SFXN1: variants seen among roughly 807,000 people sequenced by gnomAD.
SFXN1 encodes the protein sideroflexin 1.
In SFXN1, 32 loss-of-function variants were observed where a neutral mutation model predicts 39.5. The ratio of observed to expected loss-of-function variants is 0.81; its 90% confidence interval spans 0.61 to 1.09. The LOEUF (loss-of-function observed/expected upper bound fraction) is 1.09, where lower values mean the gene tolerates loss of function less well. Among genes scored for constraint, SFXN1 ranks in the 50% least tolerant of loss-of-function variants. The pLI, the probability that SFXN1 is intolerant of heterozygous loss-of-function variation, is 0.00. For missense variants in SFXN1, 402 were observed against 407.1 expected, an observed-to-expected ratio of 0.99 and a Z score of 0.11; for synonymous variants, 136 against 146.5, an observed-to-expected ratio of 0.93 and a Z score of 0.52.
rs555919998 is a variant in SFXN1, at chr5:175,502,359, T to G, written c.165-6673T>G. ...TCTTGGGGGGTGTTATCAATTTTGT[T>G]TCAGAGCCAGACCATGAACTGAATT... On this transcript the variant is annotated intron_variant, in intron 2 of 10. Transcript: ENST00000321442. Among the ~76,000 whole-genome samples the G allele has an allele frequency of 1.1e-4, 17 of 152,258 alleles. No homozygotes were observed. The East Asian group carries it at 2.9e-3, about 26-fold the overall frequency.
intron 10 of SFXN1, chr5:175,523,902 C>T (rs1760953263): frequency 1.3e-5 from 2 of 151,808 alleles, no homozygotes; most frequent in South Asian, 2.1e-4. Context: ...TTCCTTGGCT[C>T]ATAACATAGT....
chr5:175,480,849 G>A (rs1416620274), intron 1 of SFXN1, among the ~76,000 whole-genome samples: 1 of 152,236 alleles, frequency 6.6e-6, no homozygotes, highest in Admixed American at 6.5e-5. Flanking sequence ...GTAGAACCAT[G>A]AGTGTGACCA....
In SFXN1 at chr5:175,499,378, A is replaced by T. The variant is rs140213876; in HGVS notation, c.164+7111A>T. The stretch of plus-strand genomic sequence containing the variant: ...TGATGCAAAACCAGAAAAAGGGATT[A>T]GAGGAAAAATGACTAACACCCCTCA... On this transcript the variant is annotated intron_variant, in intron 2 of 10. Coordinates refer to ENST00000321442, the MANE Select transcript of SFXN1 (RefSeq NM_022754.7). Among the ~76,000 whole-genome samples the T allele has an allele frequency of 5.9e-3, 896 of 152,340 alleles. 10 individuals carry two copies. The highest frequency in any genetic ancestry group is 0.021 in the African/African-American group (862 of 41,578).
chr5:175,520,869 T>C (rs1180531690), intron 8 of SFXN1, among the ~76,000 whole-genome samples: 1 of 152,164 alleles, frequency 6.6e-6, no homozygotes, highest in Non-Finnish European at 1.5e-5. Flanking sequence ...CTTTTCATTC[T>C]ATCTTTTGAG....
intron 10 of SFXN1, 123 bp downstream of exon 10, chr5:175,522,545 G>A: frequency 1.1e-6 from 1 of 948,396 alleles, no homozygotes; most frequent in Admixed American, 2.5e-5. Context: ...ACTGAAGCCA[G>A]GGTCTCTTAA....
intron 2 of SFXN1, among the ~76,000 whole-genome samples, chr5:175,498,598 T>A (rs1759954644): frequency 2.0e-5 from 3 of 152,166 alleles, no homozygotes; most frequent in Admixed American, 2.0e-4. Flanking sequence ...CAGAAAAGGA[T>A]AAGCCTCTGG....
chr5:175,495,728 CAAA>C (rs70988287), intron 2 of SFXN1, among the ~76,000 whole-genome samples: 1 of 139,532 alleles, frequency 7.2e-6, no homozygotes. Flanking sequence ...GACTTCGTCT[CAAA>C]AAAAAAAAAG....
At chr5:175,517,399 C>T (rs1256581295) in intron 8 of SFXN1, among the ~76,000 whole-genome samples, 1 of 152,056 alleles carries the variant, frequency 6.6e-6, no homozygotes, top group Admixed American at 6.5e-5. Context: ...CCACGCCCCA[C>T]ATGGAAGGGC....
chr5:175,496,725 G>A (rs1222305006), intron 2 of SFXN1, among the ~76,000 whole-genome samples: 1 of 152,102 alleles, frequency 6.6e-6, no homozygotes, highest in Non-Finnish European at 1.5e-5. Context: ...TGATGTAATT[G>A]TACTTACGAA....
intron 7 of SFXN1, among the ~76,000 whole-genome samples, chr5:175,514,183 C>T (rs1760639923): frequency 6.6e-6 from 1 of 151,966 alleles, no homozygotes; most frequent in Non-Finnish European, 1.5e-5. Context: ...GAGGCTGCCT[C>T]AGTAATCCAG....
rs1182038323 is a variant in SFXN1, at chr5:175,528,136, C to G, written c.*1402C>G. On this transcript the variant is annotated 3_prime_UTR_variant, in exon 11 of 11. Coordinates refer to ENST00000321442, the MANE Select transcript of SFXN1 (RefSeq NM_022754.7). ...CGGGGTTTCACTGTGGTCTCGATCTCCTGACCTCGTGATCCGCCCGCCTTG... is the reference window on the plus strand; with the variant it reads ...CGGGGTTTCACTGTGGTCTCGATCTGCTGACCTCGTGATCCGCCCGCCTTG... The G allele has an allele frequency of 2.6e-5, 4 of 151,980 alleles. No individual in the cohort carries two copies. Among genetic ancestry groups the G allele is most frequent in the Non-Finnish European group, 5.9e-5 (4 of 68,012 alleles). The allele number at this position is 151,980 out of a possible 1,614,324, so 9.4% of individuals were successfully genotyped here. A position where few individuals can be genotyped will look rare whatever the true frequency, so the allele number is the denominator to read the frequency against.
chr5:175,524,120 AAAAAAATATATATATAT>A (rs1270880166), intron 10 of SFXN1: 11 of 38,030 alleles, frequency 2.9e-4, no homozygotes, highest in East Asian at 8.0e-4. Flanking sequence ...AAAAAAAAAA[AAAAAAATATATATATAT>A]ATATATATAT....
At chr5:175,514,352 AATAGAAAGT>A (rs1198182194) in intron 7 of SFXN1, among the ~76,000 whole-genome samples, 3 of 152,192 alleles carry the variant, frequency 2.0e-5, no homozygotes, top group Non-Finnish European at 4.4e-5. Flanking sequence ...AATGACCAAA[AATAGAAAGT>A]CTACATTGTA....
chr5:175,501,917 G>A (rs1023270279), intron 2 of SFXN1, among the ~76,000 whole-genome samples: 4 of 152,188 alleles, frequency 2.6e-5, no homozygotes, highest in African/African-American at 9.7e-5. Context: ...GGCTGTGAGG[G>A]AGACCGGAGT....
intron 2 of SFXN1, among the ~76,000 whole-genome samples, chr5:175,497,528 G>A (rs1447020557): frequency 6.6e-6 from 1 of 152,182 alleles, no homozygotes; most frequent in Non-Finnish European, 1.5e-5. Flanking sequence ...TTTTGATATT[G>A]ATAAAGATAT....
chr5:175,492,513 C>T, intron 2 of SFXN1: 1 of 321,312 alleles, frequency 3.1e-6, no homozygotes, highest in Non-Finnish European at 5.6e-6. Context: ...GTTGTAGATA[C>T]CAATCCCTTT....
rs866209334 is a variant in SFXN1 at position 175,524,151 on chromosome 5, T to A, written c.872+1729T>A. The A allele has an allele frequency of 2.0e-4, 21 of 105,822 alleles. 2 individuals carry two copies. The highest frequency in any genetic ancestry group is 8.8e-4 in the African/African-American group (18 of 20,406). 6.6% of individuals were successfully genotyped at this position (105,822 alleles called of 1,614,324 possible). A position where few individuals can be genotyped will look rare whatever the true frequency, so the allele number is the denominator to read the frequency against. ...ATATATATATATATATATATATATATATATATATATATATATATATCTCCA... is the reference window on the plus strand; with the variant it reads ...ATATATATATATATATATATATATAAATATATATATATATATATATCTCCA... On this transcript the variant is annotated intron_variant, in intron 10 of 10. Coordinates refer to ENST00000321442, the MANE Select transcript of SFXN1 (RefSeq NM_022754.7).
At position 175,511,434 on chromosome 5, in the gene SFXN1, T is replaced by C. The variant is rs369315729; in HGVS notation, c.435-17T>C. ...ACATGCCCTCGTCGTCCACACGATA[T>C]CCTTTTTTCTTTTCAGTGAGTTGGG... On this transcript the variant is annotated splice_polypyrimidine_tract_variant and intron_variant, in intron 4 of 10. Coordinates refer to ENST00000321442, the MANE Select transcript of SFXN1 (RefSeq NM_022754.7). 1.1e-5 allele frequency: 18 copies of C among 1,611,424 alleles called. No homozygotes were observed. In the African/African-American group the frequency reaches 2.1e-4, roughly 19 times the overall value.
In SFXN1 at chr5:175,529,618, TGTAA is replaced by T. The variant is rs1312405879; in HGVS notation, c.*2887_*2890del. 6.6e-6 allele frequency: 1 copy of T among 152,258 alleles called. No homozygotes were observed. The highest frequency in any genetic ancestry group is 2.4e-5 in the African/African-American group (1 of 41,470). The allele number at this position is 152,258 out of a possible 1,614,324, so 9.4% of individuals were successfully genotyped here. A position where few individuals can be genotyped will look rare whatever the true frequency, so the allele number is the denominator to read the frequency against. On this transcript the variant is annotated 3_prime_UTR_variant, in exon 11 of 11. Coordinates refer to ENST00000321442, the MANE Select transcript of SFXN1 (RefSeq NM_022754.7). ...TTAACATGATACAAAGGATGATGAT[TGTAA>T]GTGTTTACTGACTGGCAGCTTTTAT...
Sources: allele counts gnomAD v4.1 joint callset (sites outside exome capture counted in the v4.1 genomes callset), GRCh38; gene constraint gnomAD v4.1.1; transcripts MANE v1.5; gene names NCBI Gene and HGNC (gene_info 2026-07-23, HGNC 2026-07-21).